QSOX2: variants seen among roughly 807,000 people sequenced by gnomAD.
QSOX2 encodes the protein quiescin sulfhydryl oxidase 2.
Under a neutral mutation model 61.7 loss-of-function variants are expected in QSOX2, and 46 were observed. That is an observed-to-expected ratio of 0.75 (90% CI 0.59 to 0.95). The LOEUF (loss-of-function observed/expected upper bound fraction) is 0.95. QSOX2 is among the 40% of genes least tolerant of loss of function. The pLI is 0.00. For missense variants in QSOX2, 879 were observed against 918.9 expected (o/e 0.96, Z 0.56); for synonymous variants, 383 against 388.4 (o/e 0.99, Z 0.16).
chr9:136,227,350 C>T (rs889044903), intron 1 of QSOX2, among the ~76,000 whole-genome samples: 6 of 152,168 alleles, frequency 3.9e-5, no homozygotes, highest in Admixed American at 6.5e-5. Flanking sequence ...GGCAAGGATG[C>T]GTGCACAGAC....
Position 136,216,537 on chromosome 9 carries a change from G to A in QSOX2, c.1209+63C>T. The A allele has an allele frequency of 1.9e-6, 3 of 1,596,404 alleles. No individual in the cohort carries two copies. In the South Asian group the frequency reaches 3.3e-5, roughly 18 times the overall value. On this transcript the variant is annotated intron_variant, in intron 9 of 11. Transcript: ENST00000358701. ...CGAGCAGGGAGATGCACCAGCTAAG[G>A]GCAAGGGAAGGAAGGCGAGGGAAGG...
chr9:136,210,121 T>C, intron 11 of QSOX2: 2 of 985,486 alleles, frequency 2.0e-6, no homozygotes, highest in Non-Finnish European at 2.4e-6. Context: ...CAGCAGGTGC[T>C]GCACACGAAG....
Position 136,222,824 on chromosome 9 carries a change from C to T in QSOX2, c.676-883G>A, listed in dbSNP as rs1311447119. 2.6e-5 allele frequency among the ~76,000 whole-genome samples: 4 copies of T among 152,226 alleles called. No individual in the cohort carries two copies. Among genetic ancestry groups the T allele is most frequent in the African/African-American group, 9.6e-5 (4 of 41,458 alleles). On this transcript the variant is annotated intron_variant, in intron 5 of 11. Coordinates refer to ENST00000358701, the MANE Select transcript of QSOX2 (RefSeq NM_181701.4). This position sits in a 1 kb window ranked among gnomAD's most constrained non-coding sequence, Gnocchi z 6.9. ...TGCCTCTGGTCTGCGTGTGTGGAGG[C>T]CCCGCCCGAGACAGCAAGGGCACGA...
At chr9:136,228,627 A>G (rs550443366) in intron 1 of QSOX2, among the ~76,000 whole-genome samples, 4 of 152,174 alleles carry the variant, frequency 2.6e-5, no homozygotes, top group Non-Finnish European at 5.9e-5. Context: ...GCAGTGTGGC[A>G]GGGCACGCCG....
In QSOX2 at chr9:136,208,831, A is replaced by G; in HGVS notation, c.1994T>C (p.Val665Ala). ...CAGGGATGAAGCCACGTACAGCACG[A>G]CACAGAGACTCATGTCCAGGCTGGA... ...DFSSLDMSLC[V>A]VLYVASSLFL... Residue 665 changes from valine (V) to alanine (A), a missense_variant, in exon 12 of 12, where the codon GTC becomes GCC. Coordinates refer to ENST00000358701, the MANE Select transcript of QSOX2 (RefSeq NM_181701.4). 1 of 1,614,024 alleles carries G rather than the reference A, an allele frequency of 6.2e-7. No individual in the cohort carries two copies.
At chr9:136,231,291 C>G (rs752880108) in intron 1 of QSOX2, among the ~76,000 whole-genome samples, 33 of 152,212 alleles carry the variant, frequency 2.2e-4, no homozygotes, top group Non-Finnish European at 3.7e-4. Flanking sequence ...ACGCCCCCAT[C>G]CTACCGTGGC....
chr9:136,211,480 C>CGGCAGGT, intron 10 of QSOX2, 28 bp from the exon 11 acceptor site: 1 of 1,607,770 alleles, frequency 6.2e-7, no homozygotes, highest in Non-Finnish European at 8.5e-7. Context: ...CTGCTGACAA[C>CGGCAGGT]GGCAGGTGCG....
chr9:136,236,403 G>C (rs747613233), intron 1 of QSOX2, among the ~76,000 whole-genome samples: 3 of 152,244 alleles, frequency 2.0e-5, no homozygotes, highest in Non-Finnish European at 2.9e-5. Flanking sequence ...GACGCCCTCT[G>C]AAACAGGCCG....
At chr9:136,218,843 A>C (rs778128288) in intron 7 of QSOX2, 35 bp from the exon 8 acceptor site, 2 of 1,604,570 alleles carry the variant, frequency 1.2e-6, no homozygotes, top group East Asian at 2.2e-5. Context: ...GGGAATGCCC[A>C]ACCTTTCCCT....
At chr9:136,238,979 C>T (rs746480979) in intron 1 of QSOX2, among the ~76,000 whole-genome samples, 1 of 152,166 alleles carries the variant, frequency 6.6e-6, no homozygotes, top group Non-Finnish European at 1.5e-5. Context: ...ACGAAGAGAC[C>T]GATCTCTAAA....
chr9:136,220,358 C>T (rs960572931), intron 6 of QSOX2, among the ~76,000 whole-genome samples: 7 of 152,212 alleles, frequency 4.6e-5, no homozygotes, highest in African/African-American at 1.4e-4. Flanking sequence ...TAAGAAACTG[C>T]GGTGTTCTGG....
chr9:136,239,102 C>T (rs901870718), intron 1 of QSOX2, among the ~76,000 whole-genome samples: 8 of 152,260 alleles, frequency 5.3e-5, no homozygotes, highest in African/African-American at 4.8e-5. Flanking sequence ...TGCCCTCTGA[C>T]GCCTTGCTCT....
chr9:136,212,690 C>T (rs1284865186), intron 10 of QSOX2, among the ~76,000 whole-genome samples: 4 of 152,234 alleles, frequency 2.6e-5, no homozygotes, highest in Admixed American at 6.5e-5. Flanking sequence ...TGCATCTCCA[C>T]GTAATCCCCC....
At chr9:136,233,698 T>C (rs1469812458) in intron 1 of QSOX2, among the ~76,000 whole-genome samples, 3 of 152,164 alleles carry the variant, frequency 2.0e-5, no homozygotes, top group Non-Finnish European at 4.4e-5. Flanking sequence ...AAGGGTTCCA[T>C]GAGACGAATC....
intron 1 of QSOX2, among the ~76,000 whole-genome samples, chr9:136,241,672 T>C (rs895112913): frequency 6.6e-6 from 1 of 152,212 alleles, no homozygotes; most frequent in Non-Finnish European, 1.5e-5. Flanking sequence ...CCTCACGTGC[T>C]ATCACCTGCA....
chr9:136,215,957 C>T (rs1588633547), intron 9 of QSOX2, among the ~76,000 whole-genome samples: 2 of 152,336 alleles, frequency 1.3e-5, no homozygotes, highest in Middle Eastern at 3.4e-3. Context: ...GGCAAGAAGC[C>T]CGGCACCGTC....
rs957768140 is a variant in QSOX2, at chr9:136,212,942, G to T, written c.1361-1490C>A. On this transcript the variant is annotated intron_variant, in intron 10 of 11. Coordinates refer to ENST00000358701, the MANE Select transcript of QSOX2 (RefSeq NM_181701.4). ...CTTCCAATATGCTGATGGGCGGAAG[G>T]AGCGCTGAGGGTCTTGCTAGCAGTG... Among the ~76,000 whole-genome samples the T allele has an allele frequency of 4.6e-5, 7 of 152,226 alleles. 1 individual carries two copies. Among genetic ancestry groups the T allele is most frequent in the Admixed American group, 3.9e-4 (6 of 15,290 alleles).
chr9:136,219,770 A>AGT (rs1238943877), intron 6 of QSOX2, among the ~76,000 whole-genome samples: 1 of 152,372 alleles, frequency 6.6e-6, no homozygotes, highest in African/African-American at 2.4e-5. Flanking sequence ...AGAATGTAGC[A>AGT]GTGCTATTTG....
At chr9:136,218,226 C>T (rs1038792110) in intron 8 of QSOX2, among the ~76,000 whole-genome samples, 2 of 152,172 alleles carry the variant, frequency 1.3e-5, no homozygotes, top group Non-Finnish European at 2.9e-5. Flanking sequence ...TGGTGCTGAG[C>T]GTGAAGCTCC....
Sources: gnomAD v4.1 joint callset for allele counts (sites outside exome capture counted in the v4.1 genomes callset) on GRCh38, gnomAD v4.1.1 for gene constraint, Gnocchi (gnomAD v3.1) non-coding constraint, MANE v1.5 for transcripts, NCBI Gene and HGNC (gene_info 2026-07-23, HGNC 2026-07-21) for gene names.